PRKN: variants seen among roughly 807,000 people sequenced by gnomAD.
PRKN encodes the protein parkin RBR E3 ubiquitin protein ligase.
A neutral mutation model predicts 59.5 loss-of-function variants in PRKN; 56 were observed. That is an observed-to-expected ratio of 0.94 (90% CI 0.76 to 1.18). The LOEUF is 1.18. Ranked by LOEUF, PRKN falls within the 50% of genes most tolerant of loss-of-function variation. PRKN has a pLI of 0.00. For synonymous variants in PRKN, 250 were observed against 222.1 expected (o/e 1.13, Z -1.12); for missense variants, 657 against 596.4 (o/e 1.10, Z -1.06).
At chr6:162,142,842 A>G (rs1315146062) in intron 4 of PRKN, among the ~76,000 whole-genome samples, 1 of 152,214 alleles carries the variant, frequency 6.6e-6, no homozygotes, top group Non-Finnish European at 1.5e-5. Context: ...AAGATGGGAA[A>G]TTGGAAACAG....
chr6:162,177,391 T>C (rs1351298682), intron 4 of PRKN, among the ~76,000 whole-genome samples: 3 of 152,216 alleles, frequency 2.0e-5, no homozygotes, highest in Non-Finnish European at 4.4e-5. Context: ...GCAATGCTTG[T>C]ATCAGCGGTT....
intron 1 of PRKN, among the ~76,000 whole-genome samples, chr6:162,469,938 G>A (rs763844416): frequency 6.6e-6 from 1 of 152,172 alleles, no homozygotes; most frequent in Non-Finnish European, 1.5e-5. Context: ...GGAGCTAACT[G>A]TCCATAAGTA....
At chr6:161,948,110 C>T (rs1779849398) in intron 6 of PRKN, among the ~76,000 whole-genome samples, 1 of 152,116 alleles carries the variant, frequency 6.6e-6, no homozygotes. Flanking sequence ...CTCAGCCTCC[C>T]AAGTAGCTGG....
At position 162,200,694 on chromosome 6, in the gene PRKN, G is replaced by A. The variant is rs560019201; in HGVS notation, c.534+437C>T. ...TTACTTTTTAAAATTAAGGTATAACGTACATTTGGTGCACCAATCTTAACG... is the reference window on the plus strand; with the variant it reads ...TTACTTTTTAAAATTAAGGTATAACATACATTTGGTGCACCAATCTTAACG... On this transcript the variant is annotated intron_variant, in intron 4 of 11. Transcript: ENST00000366898. Among the ~76,000 whole-genome samples, 11 of 152,210 alleles carry A rather than the reference G, an allele frequency of 7.2e-5. 1 individual carries two copies. In the South Asian group the frequency reaches 1.0e-3, roughly 14 times the overall value.
At chr6:162,336,111 G>A (rs1338348227) in intron 2 of PRKN, among the ~76,000 whole-genome samples, 1 of 152,078 alleles carries the variant, frequency 6.6e-6, no homozygotes, top group Admixed American at 6.6e-5. Flanking sequence ...TACCAGAGCA[G>A]CAAACAGGAG....
At chr6:162,538,691 C>T (rs1324792796) in intron 1 of PRKN, among the ~76,000 whole-genome samples, 1 of 152,164 alleles carries the variant, frequency 6.6e-6, no homozygotes, top group Admixed American at 6.6e-5. Flanking sequence ...ATCAACCGAT[C>T]TACAGAGTAT....
At chr6:161,577,258 G>A (rs1022972956) in intron 7 of PRKN, among the ~76,000 whole-genome samples, 4 of 152,154 alleles carry the variant, frequency 2.6e-5, no homozygotes, top group Non-Finnish European at 5.9e-5. Context: ...TGGCGAAATC[G>A]AGGCAGAAAA....
chr6:162,586,892 GT>G (rs1781083706), intron 1 of PRKN, among the ~76,000 whole-genome samples: 1 of 152,120 alleles, frequency 6.6e-6, no homozygotes, highest in African/African-American at 2.4e-5. Context: ...CACTGACCGA[GT>G]GCCTTACATG....
chr6:162,599,384 G>A (rs1196630843), intron 1 of PRKN, among the ~76,000 whole-genome samples: 1 of 152,078 alleles, frequency 6.6e-6, no homozygotes, highest in Non-Finnish European at 1.5e-5. Flanking sequence ...AGCAGGACAG[G>A]TTGAATTTGC....
At chr6:162,356,747 T>TAAAAAAAA (rs748212596) in intron 2 of PRKN, among the ~76,000 whole-genome samples, 18 of 73,034 alleles carry the variant, frequency 2.5e-4, no homozygotes, top group African/African-American at 3.0e-4. Context: ...TGATTATTAG[T>TAAAAAAAA]AAAAAAAAAA....
At position 162,228,600 on chromosome 6, in the gene PRKN, A is replaced by G. The variant is rs115286626; in HGVS notation, c.413-27348T>C. Among the ~76,000 whole-genome samples the G allele has an allele frequency of 6.6e-3, 1,008 of 152,290 alleles. 13 individuals carry two copies. Among genetic ancestry groups the G allele is most frequent in the African/African-American group, 0.023 (948 of 41,556 alleles). On this transcript the variant is annotated intron_variant, in intron 3 of 11. Coordinates refer to ENST00000366898, the MANE Select transcript of PRKN (RefSeq NM_004562.3). ...ATCTCACTTTGCTGAAAGATCGTTAAATGGTTTGAAATTAATGTCTGATAA... is the reference window on the plus strand; with the variant it reads ...ATCTCACTTTGCTGAAAGATCGTTAGATGGTTTGAAATTAATGTCTGATAA...
chr6:161,760,538 C>T (rs772070405), intron 7 of PRKN, among the ~76,000 whole-genome samples: 2 of 151,840 alleles, frequency 1.3e-5, no homozygotes, highest in Admixed American at 6.6e-5. Flanking sequence ...GTGTGGAACC[C>T]GAGATTCAGG....
intron 2 of PRKN, among the ~76,000 whole-genome samples, chr6:162,333,765 C>G (rs915360324): frequency 2.0e-5 from 3 of 152,120 alleles, no homozygotes; most frequent in East Asian, 3.9e-4. Flanking sequence ...CACTTTAAAT[C>G]AAAGCTAGAA....
intron 7 of PRKN, among the ~76,000 whole-genome samples, chr6:161,619,827 G>GT (rs996066281): frequency 1.3e-5 from 2 of 151,986 alleles, no homozygotes; most frequent in African/African-American, 4.8e-5. Flanking sequence ...AAATCAGAAA[G>GT]TATCTCAATA....
Position 161,554,783 on chromosome 6 carries a change from C to T in PRKN, c.934-5780G>A, listed in dbSNP as rs1230229778. On this transcript the variant is annotated intron_variant, in intron 8 of 11. Coordinates refer to ENST00000366898, the MANE Select transcript of PRKN (RefSeq NM_004562.3). This position sits in a 1 kb window ranked among gnomAD's most constrained non-coding sequence, Gnocchi z 4.5. ...ACACACTTATATTTATACATACTTC[C>T]CCCTTGAGTATCTGAAATCTCTTAC... is the stretch of plus-strand genomic sequence containing the variant. Among the ~76,000 whole-genome samples, 1 of 149,922 alleles carries T rather than the reference C, an allele frequency of 6.7e-6. No individual in the cohort carries two copies. Among genetic ancestry groups the T allele is most frequent in the East Asian group, 2.0e-4 (1 of 5,102 alleles).
rs961875709 is a variant in PRKN, at chr6:161,498,713, C to T, written c.1083+50141G>A. Among the ~76,000 whole-genome samples, 2 of 152,154 alleles carry T rather than the reference C, an allele frequency of 1.3e-5. No individual in the cohort carries two copies. Among genetic ancestry groups the T allele is most frequent in the East Asian group, 1.9e-4 (1 of 5,190 alleles). ...CTCCCTGCCAACCCTATTGGACAGGCCTTACGCGTGAGAAACAAACCTTTG... is the reference window on the plus strand; with the variant it reads ...CTCCCTGCCAACCCTATTGGACAGGTCTTACGCGTGAGAAACAAACCTTTG... On this transcript the variant is annotated intron_variant, in intron 9 of 11. Transcript: ENST00000366898. The surrounding 1 kb of genome is among the most constrained non-coding windows in gnomAD (Gnocchi z 4.2).
At chr6:161,731,416 T>C (rs1412029335) in intron 7 of PRKN, among the ~76,000 whole-genome samples, 1 of 152,242 alleles carries the variant, frequency 6.6e-6, no homozygotes, top group Non-Finnish European at 1.5e-5. Context: ...ACACAACCAA[T>C]AGTTTTTTGG....
rs137879685 is a variant in PRKN at position 161,469,134 on chromosome 6, C to G, written c.1083+79720G>C. ...TGGTTCTGTGTCCCCATCCAAATGTCACCTTGAATTGTAATAATCCACCAT... is the reference window on the plus strand; with the variant it reads ...TGGTTCTGTGTCCCCATCCAAATGTGACCTTGAATTGTAATAATCCACCAT... On this transcript the variant is annotated intron_variant, in intron 9 of 11. Coordinates refer to ENST00000366898, the MANE Select transcript of PRKN (RefSeq NM_004562.3). Among the ~76,000 whole-genome samples the G allele has an allele frequency of 4.4e-3, 663 of 152,296 alleles. 3 individuals carry two copies. The highest frequency in any genetic ancestry group is 0.01 in the Middle Eastern group (3 of 294).
rs11970639 is a variant in PRKN, at chr6:161,832,708, T to C, written c.735-46800A>G. 9.5e-3 allele frequency among the ~76,000 whole-genome samples: 1,435 copies of C among 151,380 alleles called. 27 individuals carry two copies. The highest frequency in any genetic ancestry group is 0.033 in the African/African-American group (1,345 of 41,238). On this transcript the variant is annotated intron_variant, in intron 6 of 11. Coordinates refer to ENST00000366898, the MANE Select transcript of PRKN (RefSeq NM_004562.3). ...GCCGATCCCTAAGGCCTCCATGGTG[T>C]CTTACAGCCACACAGTGTGACACAA...
Sources: gnomAD v4.1 joint callset for allele counts (sites outside exome capture counted in the v4.1 genomes callset) on GRCh38, gnomAD v4.1.1 for gene constraint, Gnocchi (gnomAD v3.1) non-coding constraint, MANE v1.5 for transcripts, NCBI Gene and HGNC (gene_info 2026-07-23, HGNC 2026-07-21) for gene names.